KIAA0513: variants seen among roughly 807,000 people sequenced by gnomAD.
KIAA0513 encodes the protein uncharacterized protein KIAA0513.
In KIAA0513, 39 loss-of-function variants were observed where a neutral mutation model predicts 56.5. That is an observed-to-expected ratio of 0.69 (90% CI 0.53 to 0.90). The LOEUF (loss-of-function observed/expected upper bound fraction) is 0.90. KIAA0513 is among the 40% of genes least tolerant of loss of function. The probability of loss-of-function intolerance (pLI) is 0.00; values close to 1 mark genes in which losing one functional copy is unlikely to be tolerated. For missense variants in KIAA0513, 591 were observed against 535.2 expected (o/e 1.10, Z -1.03); for synonymous variants, 268 against 215.6 (o/e 1.24, Z -2.13).
intron 10 of KIAA0513, among the ~76,000 whole-genome samples, chr16:85,083,970 A>T (rs889115064): frequency 1.3e-5 from 2 of 152,062 alleles, no homozygotes; most frequent in African/African-American, 4.8e-5. Context: ...GGTCCCGTCC[A>T]GATTCCCACT....
chr16:85,058,576 C>T (rs72803599), intron 1 of KIAA0513, among the ~76,000 whole-genome samples: 6,053 of 151,034 alleles, frequency 0.04, 128 homozygotes, highest in Non-Finnish European at 0.053. Context: ...CGCATGAATC[C>T]GGGTGGCAAA....
intron 1 of KIAA0513, among the ~76,000 whole-genome samples, chr16:85,042,967 T>TG (rs2073123441): frequency 6.6e-6 from 1 of 152,222 alleles, no homozygotes; most frequent in African/African-American, 2.4e-5. Context: ...TAGAAAACTG[T>TG]GATTGTATAT....
chr16:85,062,830 C>G (rs1346307162), intron 1 of KIAA0513, among the ~76,000 whole-genome samples: 2 of 152,156 alleles, frequency 1.3e-5, no homozygotes, highest in Non-Finnish European at 2.9e-5. Context: ...CTGTTTTCGC[C>G]AGATGGCCAA....
At chr16:85,077,282 A>C in intron 5 of KIAA0513, 143 bp from the exon 6 acceptor site, 2 of 735,614 alleles carry the variant, frequency 2.7e-6, no homozygotes, top group Non-Finnish European at 4.4e-6. Flanking sequence ...CTGAGCCTGC[A>C]CCACCCCCTG....
At chr16:85,048,140 G>T (rs536469351) in intron 1 of KIAA0513, among the ~76,000 whole-genome samples, 1 of 152,310 alleles carries the variant, frequency 6.6e-6, no homozygotes, top group East Asian at 1.9e-4. Context: ...AGGTGAGAGT[G>T]AGCAGAAGCG....
rs915590788 is a variant in KIAA0513, at chr16:85,081,712, G to C, written c.980+320G>C. Among the ~76,000 whole-genome samples the C allele has an allele frequency of 1.3e-5, 2 of 152,206 alleles. No individual in the cohort carries two copies. Among genetic ancestry groups the C allele is most frequent in the African/African-American group, 4.8e-5 (2 of 41,450 alleles). The stretch of plus-strand genomic sequence containing the variant: ...CCCTGCTGTTTGCTGGACAAAATCA[G>C]CATCCTGAGGATGAACGCTTGGAGC... On this transcript the variant is annotated intron_variant, in intron 9 of 12. Transcript: ENST00000683363. The surrounding 1 kb of genome is among the most constrained non-coding windows in gnomAD (Gnocchi z 4.4).
chr16:85,069,442 TGAGGG>T (rs2073539947), intron 2 of KIAA0513, among the ~76,000 whole-genome samples: 1 of 151,992 alleles, frequency 6.6e-6, no homozygotes, highest in Admixed American at 6.6e-5. Context: ...TTGTGGTTCT[TGAGGG>T]TAAAATAAGG....
intron 1 of KIAA0513, among the ~76,000 whole-genome samples, chr16:85,028,761 G>A (rs953090740): frequency 2.6e-5 from 4 of 152,138 alleles, no homozygotes; most frequent in African/African-American, 9.7e-5. Flanking sequence ...GGCCAGGCAT[G>A]AGTCCCAGCC....
At position 85,081,327 on chromosome 16, in the gene KIAA0513, G is replaced by A. The variant is rs202017578; in HGVS notation, c.915G>A (p.Arg305=). ...LKQQPIWHTL[R]FWNAAFFDAV... ...CTCTGTCTTGCAGGCACACTCTGAG[G>A]TTCTGGAATGCAGCCTTTTTTGACG... Residue 305 remains arginine, a synonymous_variant, in exon 9 of 13, where the codon AGG becomes AGA. Coordinates refer to ENST00000683363, the MANE Select transcript of KIAA0513 (RefSeq NM_001388359.1). This position sits in a 1 kb window ranked among gnomAD's most constrained non-coding sequence, Gnocchi z 4.4. The A allele has an allele frequency of 7.4e-6, 12 of 1,610,946 alleles. No homozygotes were observed. Among genetic ancestry groups the A allele is most frequent in the Non-Finnish European group, 9.3e-6 (11 of 1,178,752 alleles).
At chr16:85,047,315 T>C (rs1454805763) in intron 1 of KIAA0513, among the ~76,000 whole-genome samples, 1 of 152,228 alleles carries the variant, frequency 6.6e-6, no homozygotes, top group Non-Finnish European at 1.5e-5. Context: ...CAGGAGCTCG[T>C]AACAACTTGA....
intron 8 of KIAA0513, chr16:85,079,676 G>C (rs1344457366): frequency 1.3e-5 from 2 of 152,398 alleles, no homozygotes; most frequent in African/African-American, 4.8e-5. Context: ...ATGGGGATGG[G>C]GCTTCTTTAT....
At chr16:85,049,447 G>C (rs969212730) in intron 1 of KIAA0513, among the ~76,000 whole-genome samples, 9 of 152,288 alleles carry the variant, frequency 5.9e-5, no homozygotes, top group African/African-American at 2.2e-4. Context: ...ATCTCCTGTC[G>C]AATTGTAATC....
chr16:85,071,737 A>G (rs771072328), intron 2 of KIAA0513, 46 bp from the exon 3 acceptor site: 2 of 1,422,170 alleles, frequency 1.4e-6, no homozygotes, highest in Non-Finnish European at 1.9e-6. Context: ...AGGGGATTGA[A>G]AAGGGTTTTT....
At position 85,074,597 on chromosome 16, in the gene KIAA0513, G is replaced by A. The variant is rs373211549; in HGVS notation, c.504-1247G>A. On this transcript the variant is annotated intron_variant, in intron 4 of 12. Coordinates refer to ENST00000683363, the MANE Select transcript of KIAA0513 (RefSeq NM_001388359.1). ...CAAAAGGAGTATCCCTATTTTTCCT[G>A]CTCTTGCTCAGGATACCCCAAGTCC... Among the ~76,000 whole-genome samples, 16 of 152,214 alleles carry A rather than the reference G, an allele frequency of 1.1e-4. 1 individual carries two copies. In the South Asian group the frequency reaches 3.3e-3, roughly 32 times the overall value.
At chr16:85,060,257 G>A (rs916803179) in intron 1 of KIAA0513, among the ~76,000 whole-genome samples, 9 of 152,176 alleles carry the variant, frequency 5.9e-5, no homozygotes, top group Admixed American at 3.3e-4. Context: ...CACTGTGCCC[G>A]GCTTTCTTAG....
chr16:85,045,104 C>T (rs760334365), intron 1 of KIAA0513, among the ~76,000 whole-genome samples: 34 of 151,896 alleles, frequency 2.2e-4, no homozygotes, highest in African/African-American at 7.5e-4. Flanking sequence ...GGGGACAGAG[C>T]GAGACTCCGT....
intron 5 of KIAA0513, among the ~76,000 whole-genome samples, chr16:85,077,027 C>G (rs76276057): frequency 0.059 from 8,940 of 152,200 alleles, 436 homozygotes; most frequent in East Asian, 0.23. Flanking sequence ...CCTCCAGGCC[C>G]CCCCCCAACC....
chr16:85,089,365 C>T lies in KIAA0513; in HGVS notation c.*1040C>T, dbSNP rs951949900. On this transcript the variant is annotated 3_prime_UTR_variant, in exon 13 of 13. Transcript: ENST00000683363. The surrounding 1 kb of genome is among the most constrained non-coding windows in gnomAD (Gnocchi z 4.2). The stretch of plus-strand genomic sequence containing the variant: ...TGCCTCTAAGCGCTGAGCATTGGGC[C>T]CCTTCCCCACCAGACCTTTGTAGCT... 1 of 152,576 alleles carries T rather than the reference C, an allele frequency of 6.6e-6. No individual in the cohort carries two copies. The highest frequency in any genetic ancestry group is 2.4e-5 in the African/African-American group (1 of 41,474). 9.5% of individuals were successfully genotyped at this position (152,576 alleles called of 1,614,324 possible). A position where few individuals can be genotyped will look rare whatever the true frequency, so the allele number is the denominator to read the frequency against.
At position 85,089,229 on chromosome 16, in the gene KIAA0513, A is replaced by G. The variant is rs2144119231; in HGVS notation, c.*904A>G. Reference sequence around the variant, plus strand: ...AGACAACCACCCTTTCTGAAAGCAAACAGTGCTGCTCTTTATTCCAGACAA... The same window carrying G: ...AGACAACCACCCTTTCTGAAAGCAAGCAGTGCTGCTCTTTATTCCAGACAA... On this transcript the variant is annotated 3_prime_UTR_variant, in exon 13 of 13. Transcript: ENST00000683363. The surrounding 1 kb of genome is among the most constrained non-coding windows in gnomAD (Gnocchi z 4.2). 1 of 152,420 alleles carries G rather than the reference A, an allele frequency of 6.6e-6. No individual in the cohort carries two copies. The highest frequency in any genetic ancestry group is 2.4e-5 in the African/African-American group (1 of 41,578). The allele number at this position is 152,420 out of a possible 1,614,324, so 9.4% of individuals were successfully genotyped here. A position where few individuals can be genotyped will look rare whatever the true frequency, so the allele number is the denominator to read the frequency against.
Sources: allele counts gnomAD v4.1 joint callset (sites outside exome capture counted in the v4.1 genomes callset), GRCh38; gene constraint gnomAD v4.1.1; non-coding constraint Gnocchi (gnomAD v3.1); transcripts MANE v1.5; gene names NCBI Gene and HGNC (gene_info 2026-07-23, HGNC 2026-07-21).